CPED1: variants seen among roughly 807,000 people sequenced by gnomAD.
The protein encoded by CPED1 is cadherin-like and PC-esterase domain-containing protein 1.
Under a neutral mutation model 128.2 loss-of-function variants are expected in CPED1, and 114 were observed. That is an observed-to-expected ratio of 0.89 (90% CI 0.76 to 1.04). CPED1 has a LOEUF of 1.04. CPED1 is among the 50% of genes least tolerant of loss of function. The pLI is 0.00. For missense variants in CPED1, 1,211 were observed against 1,207.1 expected (o/e 1.00, Z -0.05); for synonymous variants, 462 against 426.7 (o/e 1.08, Z -1.02).
rs1397310196 is a variant in CPED1 at position 121,266,746 on chromosome 7, T to G, written c.2571T>G (p.Val857=). 6.2e-7 allele frequency: 1 copy of G among 1,613,078 alleles called. No homozygotes were observed. Among genetic ancestry groups the G allele is most frequent in the Admixed American group, 1.7e-5 (1 of 59,904 alleles). ...PLENTGQTVL[V]VGGVQWLNSN... Reference sequence around the variant, plus strand: ...AGAATACTGGCCAGACTGTATTGGTTGTTGGTGGTGTTCAGTGGCTTAATT... The same window carrying G: ...AGAATACTGGCCAGACTGTATTGGTGGTTGGTGGTGTTCAGTGGCTTAATT... The change falls in exon 20 of 23, where the codon GTT becomes GTG. Residue 857 remains valine, a synonymous_variant. Transcript: ENST00000310396.
rs775159587 is a variant in CPED1, at chr7:121,133,806, T to G, written c.1578-17T>G. The G allele has an allele frequency of 8.3e-6, 13 of 1,566,810 alleles. No individual in the cohort carries two copies. The African/African-American group carries it at 1.5e-4, about 18-fold the overall frequency. ...TTCATTTCATTAATCCAGAGTTGTTTGGCATTGCATTTGCAGGAATTCTTT... is the reference window on the plus strand; with the variant it reads ...TTCATTTCATTAATCCAGAGTTGTTGGGCATTGCATTTGCAGGAATTCTTT... On this transcript the variant is annotated splice_polypyrimidine_tract_variant and intron_variant, in intron 12 of 22. Transcript: ENST00000310396.
At chr7:121,223,413 A>G (rs959067200) in intron 16 of CPED1, among the ~76,000 whole-genome samples, 1 of 152,102 alleles carries the variant, frequency 6.6e-6, no homozygotes, top group African/African-American at 2.4e-5. Context: ...TTGGTCTACA[A>G]TTCTCTTTTT....
intron 16 of CPED1, among the ~76,000 whole-genome samples, chr7:121,218,364 A>G (rs1797805758): frequency 6.6e-6 from 1 of 151,998 alleles, no homozygotes; most frequent in East Asian, 1.9e-4. Flanking sequence ...TGCATCTTTT[A>G]TTAAATATTC....
Position 121,128,195 on chromosome 7 carries a change from A to T in CPED1, c.1303-187A>T, listed in dbSNP as rs147923023. Among the ~76,000 whole-genome samples, 320 of 152,304 alleles carry T rather than the reference A, an allele frequency of 2.1e-3. 1 individual carries two copies. Among genetic ancestry groups the T allele is most frequent in the African/African-American group, 7.4e-3 (307 of 41,568 alleles). On this transcript the variant is annotated intron_variant, in intron 10 of 22. Coordinates refer to ENST00000310396, the MANE Select transcript of CPED1 (RefSeq NM_024913.5). Reference sequence around the variant, plus strand: ...ATTTTATCCAGGTCCTCCCTGTCAGATATGAAGCTTTCTTATATTCAGACA... The same window carrying T: ...ATTTTATCCAGGTCCTCCCTGTCAGTTATGAAGCTTTCTTATATTCAGACA...
intron 16 of CPED1, among the ~76,000 whole-genome samples, chr7:121,176,677 T>A (rs756394879): frequency 9.1e-4 from 138 of 152,182 alleles, no homozygotes; most frequent in Middle Eastern, 3.4e-3. Context: ...GGACCATTTT[T>A]AAATTTTTAT....
chr7:121,097,080 C>T (rs1287652434), intron 5 of CPED1, among the ~76,000 whole-genome samples: 1 of 152,044 alleles, frequency 6.6e-6, no homozygotes, highest in Non-Finnish European at 1.5e-5. Flanking sequence ...TGATTGCTTT[C>T]TGTAATATTT....
chr7:121,120,272 A>T (rs1462233678), intron 7 of CPED1, among the ~76,000 whole-genome samples: 2 of 152,206 alleles, frequency 1.3e-5, no homozygotes, highest in African/African-American at 4.8e-5. Context: ...CCATCAAAGC[A>T]CAAGGATTCC....
At chr7:121,163,738 A>T (rs543114497) in intron 16 of CPED1, among the ~76,000 whole-genome samples, 4 of 152,348 alleles carry the variant, frequency 2.6e-5, no homozygotes, top group Admixed American at 6.5e-5. Context: ...TGAAAAAATG[A>T]CAAGTGTCCT....
chr7:121,206,228 A>C (rs1797513154), intron 16 of CPED1, among the ~76,000 whole-genome samples: 1 of 152,064 alleles, frequency 6.6e-6, no homozygotes, highest in African/African-American at 2.4e-5. Flanking sequence ...ACATTTTCTC[A>C]ATAAGTTTTA....
At chr7:121,035,083 C>T (rs1003558310) in intron 3 of CPED1, among the ~76,000 whole-genome samples, 1 of 151,974 alleles carries the variant, frequency 6.6e-6, no homozygotes, top group Non-Finnish European at 1.5e-5. Flanking sequence ...TTTGTAAGAG[C>T]TTGGAGTTTC....
chr7:121,086,522 G>T (rs1794429279), intron 5 of CPED1, among the ~76,000 whole-genome samples: 1 of 152,184 alleles, frequency 6.6e-6, no homozygotes, highest in African/African-American at 2.4e-5. Flanking sequence ...AAAAAAATTT[G>T]AGTCTTATGT....
chr7:121,177,105 C>A lies in CPED1; in HGVS notation c.2055+34964C>A, dbSNP rs568010269. 4.6e-5 allele frequency among the ~76,000 whole-genome samples: 7 copies of A among 152,164 alleles called. No individual in the cohort carries two copies. The South Asian group carries it at 1.5e-3, about 32-fold the overall frequency. On this transcript the variant is annotated intron_variant, in intron 16 of 22. Coordinates refer to ENST00000310396, the MANE Select transcript of CPED1 (RefSeq NM_024913.5). ...TTTGGTCTGTTGGTTTCTATGCATT[C>A]TCATTCCCAGAAGGTACCACTGAGA... is the stretch of plus-strand genomic sequence containing the variant.
chr7:121,293,833 G>A (rs1411072830), intron 22 of CPED1, among the ~76,000 whole-genome samples: 1 of 151,964 alleles, frequency 6.6e-6, no homozygotes, highest in Non-Finnish European at 1.5e-5. Context: ...TCCATGGGCT[G>A]CACCCACTGT....
At chr7:121,293,441 C>T (rs957915078) in intron 22 of CPED1, among the ~76,000 whole-genome samples, 1 of 152,152 alleles carries the variant, frequency 6.6e-6, no homozygotes, top group Non-Finnish European at 1.5e-5. Context: ...GCTTGTTGGA[C>T]TCCATGGGGT....
At chr7:121,133,330 C>G (rs779809382) in intron 12 of CPED1, among the ~76,000 whole-genome samples, 3 of 152,056 alleles carry the variant, frequency 2.0e-5, no homozygotes, top group Admixed American at 6.6e-5. Flanking sequence ...CAGAATTTAA[C>G]TAACCCTTGC....
chr7:121,276,948 T>TAATAACAGTGAGCAAGG (rs555943803), intron 22 of CPED1, among the ~76,000 whole-genome samples: 60 of 152,192 alleles, frequency 3.9e-4, no homozygotes, highest in Admixed American at 1.5e-3. Context: ...TTCAAACAGT[T>TAATAACAGTGAGCAAGG]AAGACTAATA....
rs1201918416 is a variant in CPED1 at position 121,236,831 on chromosome 7, G to A, written c.2173G>A (p.Gly725Ser). 1.3e-6 allele frequency: 2 copies of A among 1,502,694 alleles called. No homozygotes were observed. Among genetic ancestry groups the A allele is most frequent in the Non-Finnish European group, 1.8e-6 (2 of 1,087,924 alleles). The allele number at this position is 1,502,694 out of a possible 1,614,324, so 93.1% of individuals were successfully genotyped here. A position where few individuals can be genotyped will look rare whatever the true frequency, so the allele number is the denominator to read the frequency against. The stretch of plus-strand genomic sequence containing the variant: ...AAGATGTCCATCTGGGGACATGAAA[G>A]GTGACTATCACATTGGATATCACTT... ...LKRCPSGDMK[G>S]QWIVPCLSCS... The change falls in exon 17 of 23, where the codon GGC (glycine) becomes AGC (serine). Residue 725 changes from glycine (G) to serine (S), a missense_variant and splice_region_variant. Gly to Ser is a moderately conservative substitution (Grantham distance 56). Coordinates refer to ENST00000310396, the MANE Select transcript of CPED1 (RefSeq NM_024913.5).
At chr7:121,069,928 T>G (rs899350587) in intron 5 of CPED1, among the ~76,000 whole-genome samples, 7 of 152,086 alleles carry the variant, frequency 4.6e-5, no homozygotes, top group African/African-American at 1.7e-4. Flanking sequence ...CATAACTCAT[T>G]CATTCCAGTA....
chr7:121,167,283 CAG>C (rs1796551480), intron 16 of CPED1, among the ~76,000 whole-genome samples: 1 of 152,202 alleles, frequency 6.6e-6, no homozygotes, highest in Non-Finnish European at 1.5e-5. Context: ...GTCATGAAAT[CAG>C]AGTGCAGCCA....
Sources: allele counts gnomAD v4.1 joint callset (sites outside exome capture counted in the v4.1 genomes callset), GRCh38; gene constraint gnomAD v4.1.1; transcripts MANE v1.5; gene names NCBI Gene and HGNC (gene_info 2026-07-23, HGNC 2026-07-21).